Variants in ZNF282 observed in about 807,000 individuals in gnomAD.
The protein encoded by ZNF282 is zinc finger protein 282.
In ZNF282, 30 loss-of-function variants were observed where a neutral mutation model predicts 61.9. That is an observed-to-expected ratio of 0.48 (90% CI 0.36 to 0.66). The LOEUF (loss-of-function observed/expected upper bound fraction) is 0.66, where lower values mean the gene tolerates loss of function less well. ZNF282 is among the 30% of genes least tolerant of loss of function. The pLI is 0.00. For synonymous variants in ZNF282, 396 were observed against 405.0 expected (o/e 0.98, Z 0.27); for missense variants, 788 against 941.4 (o/e 0.84, Z 2.13).
In ZNF282 at chr7:149,206,137, G is replaced by A. The variant is rs575027240; in HGVS notation, c.586-559G>A. Among the ~76,000 whole-genome samples, 5 of 152,294 alleles carry A rather than the reference G, an allele frequency of 3.3e-5. No homozygotes were observed. The East Asian group carries it at 9.6e-4, about 29-fold the overall frequency. On this transcript the variant is annotated intron_variant, in intron 2 of 7. Transcript: ENST00000610704. ...GTGGAGCTTCCTGGTGTTGGCACTC[G>A]CTGCGCAGCACACTCAAGTATTTAT...
At chr7:149,220,496 CA>C (rs1314198260) in intron 7 of ZNF282, among the ~76,000 whole-genome samples, 1 of 152,150 alleles carries the variant, frequency 6.6e-6, no homozygotes, top group Non-Finnish European at 1.5e-5. Context: ...TTAGTTGATT[CA>C]AAGACTCAGC....
Position 149,207,353 on chromosome 7 carries a change from G to A in ZNF282, c.715G>A (p.Ala239Thr), listed in dbSNP as rs148473875. 4.4e-5 allele frequency: 70 copies of A among 1,587,890 alleles called. No individual in the cohort carries two copies. The African/African-American group carries it at 4.6e-4, about 10-fold the overall frequency. ...CCCTCCCTCCTCCTCACTTCCAGAC[G>A]CGGAGGGCTCAGTCCCCAAGCCAGA... ...ENYKTLMSLD[A>T]EGSVPKPDAP... The change falls in exon 4 of 8, where the codon GCG (alanine) becomes ACG (threonine). Residue 239 changes from alanine to threonine, a missense_variant and splice_region_variant. By Grantham distance (58) the Ala-to-Thr change is moderately conservative. Around this residue, in one of 3 missense-constraint regions of ZNF282, gnomAD observed 559 missense variants for 642.0 expected, o/e 0.87. Coordinates refer to ENST00000610704, the MANE Select transcript of ZNF282 (RefSeq NM_003575.4).
Position 149,198,327 on chromosome 7 carries a change from A to G in ZNF282, c.166-6A>G. 6.3e-7 allele frequency: 1 copy of G among 1,598,264 alleles called. No homozygotes were observed. On this transcript the variant is annotated splice_region_variant and splice_polypyrimidine_tract_variant and intron_variant, in intron 1 of 7. Coordinates refer to ENST00000610704, the MANE Select transcript of ZNF282 (RefSeq NM_003575.4). This position sits in a 1 kb window ranked among gnomAD's most constrained non-coding sequence, Gnocchi z 4.3. Reference sequence around the variant, plus strand: ...CTGGGTTGTCGCTTTCTCCCTCTGCATACAGGCTCAAGAATGGGACATGGA... The same window carrying G: ...CTGGGTTGTCGCTTTCTCCCTCTGCGTACAGGCTCAAGAATGGGACATGGA...
Position 149,225,999 on chromosome 7 carries a change from G to T in ZNF282, c.*1352G>T, listed in dbSNP as rs545423727. The T allele has an allele frequency of 6.6e-6, 1 of 152,568 alleles. No homozygotes were observed. Among genetic ancestry groups the T allele is most frequent in the African/African-American group, 2.4e-5 (1 of 41,390 alleles). 9.5% of individuals were successfully genotyped at this position (152,568 alleles called of 1,614,324 possible). A position where few individuals can be genotyped will look rare whatever the true frequency, so the allele number is the denominator to read the frequency against. On this transcript the variant is annotated 3_prime_UTR_variant, in exon 8 of 8. Coordinates refer to ENST00000610704, the MANE Select transcript of ZNF282 (RefSeq NM_003575.4). Reference sequence around the variant, plus strand: ...AAAAATGACTTTCCCTGCCCTTGCCGTGGGTCCGGCGTTCCTCCCAGCCGG... The same window carrying T: ...AAAAATGACTTTCCCTGCCCTTGCCTTGGGTCCGGCGTTCCTCCCAGCCGG...
chr7:149,205,961 C>T lies in ZNF282; in HGVS notation c.586-735C>T, dbSNP rs140199548. 5.0e-3 allele frequency among the ~76,000 whole-genome samples: 768 copies of T among 152,150 alleles called. 4 individuals carry two copies. The highest frequency in any genetic ancestry group is 0.018 in the African/African-American group (730 of 41,484). On this transcript the variant is annotated intron_variant, in intron 2 of 7. Transcript: ENST00000610704. Reference sequence around the variant, plus strand: ...AGTTATCAAAGTCATGGAAGTGAAACGATTTTGGACAATTCGGTCCAAGTT... The same window carrying T: ...AGTTATCAAAGTCATGGAAGTGAAATGATTTTGGACAATTCGGTCCAAGTT...
chr7:149,205,950 T>C (rs1263893158), intron 2 of ZNF282, among the ~76,000 whole-genome samples: 4 of 152,104 alleles, frequency 2.6e-5, no homozygotes, highest in Non-Finnish European at 1.5e-5. Flanking sequence ...ATCAAAGTCA[T>C]GGAAGTGAAA....
chr7:149,217,199 C>T (rs1175834906), intron 7 of ZNF282, among the ~76,000 whole-genome samples: 2 of 152,126 alleles, frequency 1.3e-5, no homozygotes, highest in African/African-American at 4.8e-5. Context: ...CAGGTATTTA[C>T]TTAATGCCTG....
At chr7:149,221,310 C>T (rs1479972890) in intron 7 of ZNF282, among the ~76,000 whole-genome samples, 1 of 152,192 alleles carries the variant, frequency 6.6e-6, no homozygotes, top group African/African-American at 2.4e-5. Context: ...ATCACCGTGC[C>T]CTTGCAAGTG....
Position 149,210,640 on chromosome 7 carries a change from C to T in ZNF282, c.888C>T (p.Asp296=). The T allele has an allele frequency of 6.2e-7, 1 of 1,612,246 alleles. No individual in the cohort carries two copies. Among genetic ancestry groups the T allele is most frequent in the South Asian group, 1.1e-5 (1 of 90,534 alleles). The change falls in exon 5 of 8, where the codon GAC becomes GAT. Residue 296 remains aspartate (D), a synonymous_variant. Coordinates refer to ENST00000610704, the MANE Select transcript of ZNF282 (RefSeq NM_003575.4). The part of the protein sequence containing the change: ...QDASSQVKRE[D]TLCVRGQRGL... ...CGTCCTCCCAGGTGAAGCGTGAGGA[C>T]ACCCTGTGTGTCCGGGGTCAGCGGG... is the stretch of plus-strand genomic sequence containing the variant.
intron 2 of ZNF282, among the ~76,000 whole-genome samples, chr7:149,205,379 A>G (rs1795976429): frequency 6.6e-6 from 1 of 152,226 alleles, no homozygotes; most frequent in Non-Finnish European, 1.5e-5. Context: ...CAGAGGTTGC[A>G]GTGAGCTGGT....
chr7:149,222,857 A>C (rs932124404), intron 7 of ZNF282, among the ~76,000 whole-genome samples: 64 of 152,298 alleles, frequency 4.2e-4, no homozygotes, highest in African/African-American at 1.4e-3. Context: ...TATGTTGGGC[A>C]GGATGGTCTC....
At chr7:149,197,073 C>T (rs897330299) in intron 1 of ZNF282, among the ~76,000 whole-genome samples, 2 of 152,252 alleles carry the variant, frequency 1.3e-5, no homozygotes, top group African/African-American at 4.8e-5. Context: ...CTGAGTCTGA[C>T]ACCAGGTCCC....
intron 2 of ZNF282, among the ~76,000 whole-genome samples, chr7:149,205,182 G>A (rs1795973581): frequency 6.6e-6 from 1 of 152,106 alleles, no homozygotes; most frequent in Admixed American, 6.6e-5. Context: ...GCTCACCCCT[G>A]TAATCCCAGC....
intron 6 of ZNF282, 39 bp downstream of exon 6, chr7:149,212,510 T>A (rs1489838594): frequency 4.8e-6 from 7 of 1,456,580 alleles, no homozygotes; most frequent in Non-Finnish European, 6.6e-6. Flanking sequence ...GGGCAACAAG[T>A]GTTTTTCAAA....
intron 7 of ZNF282, among the ~76,000 whole-genome samples, chr7:149,221,911 G>A (rs912332494): frequency 6.6e-6 from 1 of 152,124 alleles, no homozygotes; most frequent in Non-Finnish European, 1.5e-5. Flanking sequence ...GTGTGAGCAC[G>A]GAGAAAAGGA....
chr7:149,224,414 C>T lies in ZNF282; in HGVS notation c.1783C>T (p.Leu595=). 3.1e-6 allele frequency: 5 copies of T among 1,613,770 alleles called. No homozygotes were observed. The highest frequency in any genetic ancestry group is 4.2e-6 in the Non-Finnish European group (5 of 1,179,920). ...RKEHLQNHQR[L]HTGERPFQCA... The stretch of plus-strand genomic sequence containing the variant: ...GGAGCACCTGCAGAACCACCAGCGG[C>T]TGCACACGGGCGAGCGGCCTTTCCA... The change falls in exon 8 of 8, where the codon CTG becomes TTG. Residue 595 remains leucine (L), a synonymous_variant. Coordinates refer to ENST00000610704, the MANE Select transcript of ZNF282 (RefSeq NM_003575.4).
chr7:149,195,833 C>G (rs926574547), intron 1 of ZNF282, 79 bp downstream of exon 1: 203 of 1,215,434 alleles, frequency 1.7e-4, no homozygotes, highest in Non-Finnish European at 1.9e-4. Flanking sequence ...CGGGCCGCGC[C>G]GTCCTCCGGT....
At chr7:149,212,658 G>A (rs553933057) in intron 6 of ZNF282, among the ~76,000 whole-genome samples, 187 bp downstream of exon 6, 3 of 152,174 alleles carry the variant, frequency 2.0e-5, no homozygotes, top group East Asian at 3.8e-4. Flanking sequence ...TCAGCTCACC[G>A]CAACCTCCGT....
At chr7:149,210,845 G>A in intron 5 of ZNF282, 141 bp downstream of exon 5, 1 of 1,275,872 alleles carries the variant, frequency 7.8e-7, no homozygotes. Flanking sequence ...GTGCATCCAG[G>A]GCTGGGCTGA....
Sources: gnomAD v4.1 joint callset for allele counts (sites outside exome capture counted in the v4.1 genomes callset) on GRCh38, gnomAD v4.1.1 for gene constraint, gnomAD v4.1.1 regional missense constraint, Gnocchi (gnomAD v3.1) non-coding constraint, MANE v1.5 for transcripts, NCBI Gene and HGNC (gene_info 2026-07-23, HGNC 2026-07-21) for gene names.